CCDC88A: variants seen among roughly 807,000 people sequenced by gnomAD.
The protein encoded by CCDC88A is coiled-coil and HOOK domain protein 88A.
CCDC88A carries 54 observed loss-of-function variants against 234.3 expected under a neutral mutation model. The observed-to-expected ratio is 0.23, with a 90% CI of 0.19 to 0.29. The LOEUF is 0.29. Among genes scored for constraint, CCDC88A ranks in the 10% least tolerant of loss-of-function variants. The pLI is 1.00. For missense variants in CCDC88A, 1,832 were observed against 2,123.4 expected, an observed-to-expected ratio of 0.86 and a Z score of 2.70; for synonymous variants, 753 against 737.8, an observed-to-expected ratio of 1.02 and a Z score of -0.33.
chr2:55,307,483 G>A (rs956974562), intron 25 of CCDC88A, among the ~76,000 whole-genome samples: 4 of 151,230 alleles, frequency 2.6e-5, no homozygotes, highest in Non-Finnish European at 5.9e-5. Flanking sequence ...AGCCTCCCAA[G>A]TAGCTGGGAT....
intron 3 of CCDC88A, among the ~76,000 whole-genome samples, chr2:55,380,328 T>C (rs926706467): frequency 1.3e-5 from 2 of 152,062 alleles, no homozygotes. Flanking sequence ...TTTAAAGATA[T>C]GCAAGTATTC....
chr2:55,297,062 TA>T (rs1306541573), intron 29 of CCDC88A: 10 of 143,122 alleles, frequency 7.0e-5, no homozygotes, highest in African/African-American at 2.6e-4. Flanking sequence ...TGCACGCCTG[TA>T]GTCCCAGCTA....
intron 2 of CCDC88A, among the ~76,000 whole-genome samples, chr2:55,408,006 C>T (rs767351506): frequency 1.4e-4 from 21 of 151,990 alleles, no homozygotes; most frequent in Non-Finnish European, 2.6e-4. Context: ...GTGTGAGCCA[C>T]CGCGCCTGGC....
At chr2:55,351,540 C>A (rs1487902699) in intron 8 of CCDC88A, among the ~76,000 whole-genome samples, 1 of 152,058 alleles carries the variant, frequency 6.6e-6, no homozygotes, top group East Asian at 1.9e-4. Flanking sequence ...AGAGACGGGT[C>A]TCCCTGTGTT....
At chr2:55,350,349 T>C (rs1160326299) in intron 8 of CCDC88A, 1 of 152,170 alleles carries the variant, frequency 6.6e-6, no homozygotes, top group African/African-American at 2.4e-5. Context: ...CTAAAATCTT[T>C]ACTTCGCTAT....
chr2:55,412,122 C>G (rs763379655), intron 2 of CCDC88A, among the ~76,000 whole-genome samples: 1 of 152,130 alleles, frequency 6.6e-6, no homozygotes, highest in South Asian at 2.1e-4. Flanking sequence ...CATTTACTTA[C>G]AACTTACGAC....
intron 7 of CCDC88A, chr2:55,356,187 C>G (rs1220926541): frequency 1.3e-5 from 2 of 152,678 alleles, no homozygotes; most frequent in African/African-American, 4.8e-5. Context: ...GAGTGTTGTT[C>G]CCCTCCCTGT....
intron 8 of CCDC88A, among the ~76,000 whole-genome samples, chr2:55,351,018 G>T (rs1454431529): frequency 6.6e-6 from 1 of 152,204 alleles, no homozygotes; most frequent in Non-Finnish European, 1.5e-5. Flanking sequence ...TTACTAAGTG[G>T]ATTCCATTTT....
chr2:55,310,282 C>T (rs773545695), intron 23 of CCDC88A, among the ~76,000 whole-genome samples: 7 of 152,126 alleles, frequency 4.6e-5, no homozygotes, highest in South Asian at 2.1e-4. Flanking sequence ...TAGGATATAT[C>T]GGAAAGAGTG....
intron 3 of CCDC88A, among the ~76,000 whole-genome samples, chr2:55,385,082 G>C (rs1276376872): frequency 1.3e-5 from 2 of 151,904 alleles, no homozygotes; most frequent in Non-Finnish European, 2.9e-5. Context: ...CAAAAAATGA[G>C]TTCACAATTA....
chr2:55,357,279 C>G (rs1670706687), intron 7 of CCDC88A, among the ~76,000 whole-genome samples: 1 of 151,856 alleles, frequency 6.6e-6, no homozygotes, highest in Non-Finnish European at 1.5e-5. Context: ...AGATAGATTC[C>G]TTCCTTCCTT....
chr2:55,419,505 T>G lies in CCDC88A; in HGVS notation c.-426A>C. 4.2e-5 allele frequency: 7 copies of G among 166,354 alleles called. No individual in the cohort carries two copies. The highest frequency in any genetic ancestry group is 1.8e-4 in the Admixed American group (3 of 16,718). The allele number at this position is 166,354 out of a possible 1,614,324, so 10.3% of individuals were successfully genotyped here. A position where few individuals can be genotyped will look rare whatever the true frequency, so the allele number is the denominator to read the frequency against. ...GAAATACGTTAAACAGAGACCACGT[T>G]AAGGATACCGAGGCGCCACCAGACT... On this transcript the variant is annotated 5_prime_UTR_variant, in exon 1 of 33. Transcript: ENST00000436346.
intron 2 of CCDC88A, among the ~76,000 whole-genome samples, chr2:55,412,070 G>GA (rs1254328142): frequency 6.6e-6 from 1 of 152,146 alleles, no homozygotes; most frequent in East Asian, 1.9e-4. Context: ...TCAAAATTTT[G>GA]AAAATTAATA....
At chr2:55,373,488 T>G (rs559056172) in intron 4 of CCDC88A, among the ~76,000 whole-genome samples, 2 of 152,172 alleles carry the variant, frequency 1.3e-5, no homozygotes, top group Non-Finnish European at 2.9e-5. Flanking sequence ...TAAGAATAAT[T>G]AATGGCTCCA....
Position 55,335,214 on chromosome 2 carries a change from T to C in CCDC88A, c.1657-50A>G. 2.5e-6 allele frequency: 3 copies of C among 1,209,402 alleles called. No individual in the cohort carries two copies. The highest frequency in any genetic ancestry group is 2.0e-5 in the South Asian group (1 of 50,174). The allele number at this position is 1,209,402 out of a possible 1,614,324, so 74.9% of individuals were successfully genotyped here. A position where few individuals can be genotyped will look rare whatever the true frequency, so the allele number is the denominator to read the frequency against. On this transcript the variant is annotated intron_variant, in intron 14 of 32. Transcript: ENST00000436346. This position sits in a 1 kb window ranked among gnomAD's most constrained non-coding sequence, Gnocchi z 4.5. ...AAGCTGTAATTGAGGAAAAACTAAC[T>C]ATGGTTTATCTCTTCCAAAAACTAC...
chr2:55,374,900 A>C lies in CCDC88A; in HGVS notation c.274-17T>G, dbSNP rs1188067780. On this transcript the variant is annotated splice_polypyrimidine_tract_variant and intron_variant, in intron 3 of 32. Coordinates refer to ENST00000436346, the MANE Select transcript of CCDC88A (RefSeq NM_001365480.1). ...CAAAGTCTCCTGTAAAAAAATATCCAACACTTGTTATATGGGTAATGCTAA... is the reference window on the plus strand; with the variant it reads ...CAAAGTCTCCTGTAAAAAAATATCCCACACTTGTTATATGGGTAATGCTAA... The C allele has an allele frequency of 6.5e-7, 1 of 1,533,542 alleles. No homozygotes were observed. The highest frequency in any genetic ancestry group is 9.0e-7 in the Non-Finnish European group (1 of 1,108,562). 95.0% of individuals were successfully genotyped at this position (1,533,542 alleles called of 1,614,324 possible). A position where few individuals can be genotyped will look rare whatever the true frequency, so the allele number is the denominator to read the frequency against.
At position 55,296,054 on chromosome 2, in the gene CCDC88A, T is replaced by C. The variant is rs755515200; in HGVS notation, c.5094A>G (p.Ile1698Met). Residue 1698 changes from isoleucine to methionine, a missense_variant and splice_region_variant, in exon 31 of 33, where the codon ATA becomes ATG. By Grantham distance (10) the Ile-to-Met change is conservative. Coordinates refer to ENST00000436346, the MANE Select transcript of CCDC88A (RefSeq NM_001365480.1). ...AAAGATTCTCTTGACTTGAGGACTT[T>C]ATCTGTTTAAAAAAAAATTCAAAGC... ...EESNKLTSVQ[I>M]KSSSQENLLD... 1.9e-6 allele frequency: 3 copies of C among 1,579,972 alleles called. No homozygotes were observed. The highest frequency in any genetic ancestry group is 1.2e-5 in the South Asian group (1 of 85,622).
At chr2:55,418,578 C>G (rs1215361276) in intron 2 of CCDC88A, 1 of 537,930 alleles carries the variant, frequency 1.9e-6, no homozygotes, top group East Asian at 2.9e-5. Context: ...AGACAAGTGA[C>G]AATACATGGT....
chr2:55,345,966 G>A (rs893831302), intron 10 of CCDC88A: 1 of 393,278 alleles, frequency 2.5e-6, no homozygotes, highest in African/African-American at 2.1e-5. Context: ...GAACCCCAGA[G>A]TTCAATAAAA....
Sources: allele counts gnomAD v4.1 joint callset (sites outside exome capture counted in the v4.1 genomes callset), GRCh38; gene constraint gnomAD v4.1.1; non-coding constraint Gnocchi (gnomAD v3.1); transcripts MANE v1.5; gene names NCBI Gene and HGNC (gene_info 2026-07-23, HGNC 2026-07-21).